LAMA2: variants seen among roughly 807,000 people sequenced by gnomAD.
LAMA2 encodes the protein laminin subunit alpha-2.
In LAMA2, 269 loss-of-function variants were observed where a neutral mutation model predicts 364.8. That is an observed-to-expected ratio of 0.74 (90% CI 0.67 to 0.82). LAMA2 has a LOEUF of 0.82. Among genes scored for constraint, LAMA2 ranks in the 40% least tolerant of loss-of-function variants. The probability of loss-of-function intolerance (pLI) is 0.00; values close to 1 mark genes in which losing one functional copy is unlikely to be tolerated. For missense variants in LAMA2, 3,807 were observed against 3,873.2 expected, an observed-to-expected ratio of 0.98 and a Z score of 0.45; for synonymous variants, 1,379 against 1,370.6, an observed-to-expected ratio of 1.01 and a Z score of -0.14.
intron 30 of LAMA2, 40 bp from the exon 31 acceptor site, chr6:129,349,258 G>A: frequency 6.7e-7 from 1 of 1,481,746 alleles, no homozygotes. Flanking sequence ...TAAAATAAAT[G>A]GATTAAACTT....
chr6:129,018,212 G>A (rs965949828), intron 1 of LAMA2, among the ~76,000 whole-genome samples: 1 of 152,058 alleles, frequency 6.6e-6, no homozygotes, highest in Admixed American at 6.6e-5. Context: ...GGAAACAAAA[G>A]AAGTATTTTA....
intron 3 of LAMA2, among the ~76,000 whole-genome samples, chr6:129,070,483 A>G (rs1010060990): frequency 3.3e-5 from 5 of 152,096 alleles, no homozygotes; most frequent in African/African-American, 1.2e-4. Context: ...ATGGACATTA[A>G]TATTTCTATG....
intron 28 of LAMA2, among the ~76,000 whole-genome samples, chr6:129,326,354 T>C (rs1439483835): frequency 6.6e-6 from 1 of 152,178 alleles, no homozygotes; most frequent in Non-Finnish European, 1.5e-5. Context: ...TCAGGCTGCC[T>C]GTCGGGGAAA....
chr6:129,029,546 C>T (rs1038293720), intron 1 of LAMA2, among the ~76,000 whole-genome samples: 2 of 151,454 alleles, frequency 1.3e-5, no homozygotes, highest in African/African-American at 4.9e-5. Flanking sequence ...GAAATATTTA[C>T]AATGGTATTT....
chr6:128,965,979 G>GTTTTTTTTTTTT (rs11342050), intron 1 of LAMA2, among the ~76,000 whole-genome samples: 1 of 112,796 alleles, frequency 8.9e-6, no homozygotes. Flanking sequence ...TAAACCAGAG[G>GTTTTTTTTTTTT]TTTTTTTTTT....
intron 52 of LAMA2, 119 bp downstream of exon 52, chr6:129,473,471 G>T: frequency 2.1e-6 from 2 of 955,734 alleles, no homozygotes; most frequent in Non-Finnish European, 3.2e-6. Context: ...TTGCAGAAAG[G>T]CCTAATCAAA....
At chr6:129,495,489 A>G (rs1422418289) in intron 58 of LAMA2, among the ~76,000 whole-genome samples, 1 of 152,152 alleles carries the variant, frequency 6.6e-6, no homozygotes, top group Non-Finnish European at 1.5e-5. Context: ...CCATATTTCT[A>G]TTAATGCACC....
At chr6:129,394,762 G>A (rs923325674) in intron 37 of LAMA2, among the ~76,000 whole-genome samples, 4 of 152,232 alleles carry the variant, frequency 2.6e-5, no homozygotes, top group Admixed American at 6.5e-5. Flanking sequence ...TTCAAGAAGA[G>A]TTATATGGCA....
chr6:128,911,171 C>A (rs182581265), intron 1 of LAMA2, among the ~76,000 whole-genome samples: 101 of 152,254 alleles, frequency 6.6e-4, no homozygotes, highest in Middle Eastern at 3.4e-3. Flanking sequence ...ACACCCAGTT[C>A]GAGCTTCCCG....
chr6:129,079,801 G>A (rs919152274), intron 3 of LAMA2, among the ~76,000 whole-genome samples: 4 of 152,032 alleles, frequency 2.6e-5, no homozygotes, highest in Non-Finnish European at 5.9e-5. Context: ...TGCTTAGCTT[G>A]TAAGTACATA....
chr6:129,472,891 T>C (rs914228947), intron 51 of LAMA2, among the ~76,000 whole-genome samples: 1 of 152,012 alleles, frequency 6.6e-6, no homozygotes, highest in East Asian at 1.9e-4. Flanking sequence ...AACCTTGCTT[T>C]ATTTTCTAAC....
At chr6:129,119,914 G>C (rs1776708573) in intron 4 of LAMA2, among the ~76,000 whole-genome samples, 1 of 152,084 alleles carries the variant, frequency 6.6e-6, no homozygotes, top group South Asian at 2.1e-4. Context: ...ATATGTCTAA[G>C]GAATATAGTT....
chr6:129,005,988 G>GT (rs1289653122), intron 1 of LAMA2, among the ~76,000 whole-genome samples: 2 of 151,642 alleles, frequency 1.3e-5, no homozygotes, highest in Non-Finnish European at 2.9e-5. Flanking sequence ...TTGAGACTGT[G>GT]TTTTTAACAA....
At chr6:128,899,219 G>A (rs1776939802) in intron 1 of LAMA2, among the ~76,000 whole-genome samples, 2 of 152,110 alleles carry the variant, frequency 1.3e-5, no homozygotes, top group African/African-American at 4.8e-5. Context: ...GCTGTGTTCA[G>A]GCTCTTCTGA....
intron 29 of LAMA2, among the ~76,000 whole-genome samples, chr6:129,340,830 CAAAAAAAAAAA>C (rs34264921): frequency 1.1e-3 from 67 of 59,594 alleles, no homozygotes; most frequent in Non-Finnish European, 1.5e-3. Flanking sequence ...AGCTCTGTCT[CAAAAAAAAAAA>C]AAAAAAAAAA....
rs1780822472 is a variant in LAMA2 at position 129,179,783 on chromosome 6, G to T, written c.1467+1917G>T. Among the ~76,000 whole-genome samples, 4 of 151,892 alleles carry T rather than the reference G, an allele frequency of 2.6e-5. No homozygotes were observed. The South Asian group carries it at 8.3e-4, about 32-fold the overall frequency. ...GTTCTTATAAACTAAATTGTTTCAG[G>T]ATTAAAAACTTGCAGAAAGCAAGTT... On this transcript the variant is annotated intron_variant, in intron 10 of 64. Coordinates refer to ENST00000421865, the MANE Select transcript of LAMA2 (RefSeq NM_000426.4).
At chr6:129,295,218 C>G (rs2087566) in intron 20 of LAMA2, among the ~76,000 whole-genome samples, 104,812 of 152,086 alleles carry the variant, frequency 0.69, 37,069 homozygotes, top group Non-Finnish European at 0.77. Context: ...AATGACAACT[C>G]TCTGCCAGGG....
chr6:129,311,991 A>G (rs905236326), intron 22 of LAMA2, among the ~76,000 whole-genome samples: 2 of 152,208 alleles, frequency 1.3e-5, no homozygotes, highest in Non-Finnish European at 2.9e-5. Context: ...GGCAGAGAGA[A>G]CAGAGTGATG....
chr6:129,467,336 T>C (rs1783592770), intron 51 of LAMA2, among the ~76,000 whole-genome samples: 1 of 151,506 alleles, frequency 6.6e-6, no homozygotes. Context: ...ATGGAAACAA[T>C]AGACACTGGG....
Sources: allele counts gnomAD v4.1 joint callset (sites outside exome capture counted in the v4.1 genomes callset), GRCh38; gene constraint gnomAD v4.1.1; transcripts MANE v1.5; gene names NCBI Gene and HGNC (gene_info 2026-07-23, HGNC 2026-07-21).